Variants in IQGAP1 observed in about 807,000 individuals in gnomAD.
The protein encoded by IQGAP1 is ras GTPase-activating-like protein IQGAP1.
In IQGAP1, 66 loss-of-function variants were observed where a neutral mutation model predicts 215.6. That is an observed-to-expected ratio of 0.31 (90% CI 0.25 to 0.38). IQGAP1 has a LOEUF of 0.38. IQGAP1 is among the 10% of genes least tolerant of loss of function. The probability of loss-of-function intolerance (pLI) is 1.00; values close to 1 mark genes in which losing one functional copy is unlikely to be tolerated. For synonymous variants in IQGAP1, 772 were observed against 728.7 expected, an observed-to-expected ratio of 1.06 and a Z score of -0.96; for missense variants, 1,712 against 1,997.1, an observed-to-expected ratio of 0.86 and a Z score of 2.72.
chr15:90,467,665 A>C, intron 18 of IQGAP1, 73 bp downstream of exon 18: 1 of 1,448,176 alleles, frequency 6.9e-7, no homozygotes, highest in Non-Finnish European at 9.3e-7. Flanking sequence ...ATTAAGAGGA[A>C]CAGGGCATGT....
At chr15:90,390,641 A>G in intron 1 of IQGAP1, 133 bp from the exon 2 acceptor site, 1 of 597,734 alleles carries the variant, frequency 1.7e-6, no homozygotes, top group African/African-American at 1.9e-5. Flanking sequence ...ATTGTAGTAC[A>G]CCTGGCTGGC....
chr15:90,431,158 G>T (rs8035980), intron 4 of IQGAP1: 1 of 151,072 alleles, frequency 6.6e-6, no homozygotes, highest in Non-Finnish European at 1.5e-5. Flanking sequence ...ACATACCTGT[G>T]GAATTGTGTT....
chr15:90,487,207 A>T, intron 32 of IQGAP1, 118 bp downstream of exon 32: 1 of 968,244 alleles, frequency 1.0e-6, no homozygotes, highest in Non-Finnish European at 1.6e-6. Flanking sequence ...TACTTGTCAT[A>T]ATCCCAGTCA....
chr15:90,426,131 G>A lies in IQGAP1; in HGVS notation c.177G>A (p.Gly59=), dbSNP rs761148777. ...EAKRWMEACL[G]EDLPPTTELE... is the part of the protein sequence containing the mutation. ...GCAGGTGGATGGAAGCATGCCTAGGGGAAGATCTGCCTCCCACCACAGAAC... is the reference window on the plus strand; with the variant it reads ...GCAGGTGGATGGAAGCATGCCTAGGAGAAGATCTGCCTCCCACCACAGAAC... The change falls in exon 3 of 38, where the codon GGG becomes GGA. Residue 59 remains glycine, a synonymous_variant. Coordinates refer to ENST00000268182, the MANE Select transcript of IQGAP1 (RefSeq NM_003870.4). 9 of 1,606,060 alleles carry A rather than the reference G, an allele frequency of 5.6e-6. No individual in the cohort carries two copies. Among genetic ancestry groups the A allele is most frequent in the Admixed American group, 5.1e-5 (3 of 58,390 alleles).
chr15:90,482,281 G>C lies in IQGAP1; in HGVS notation c.3555G>C (p.Lys1185Asn). The C allele has an allele frequency of 6.2e-7, 1 of 1,614,108 alleles. No individual in the cohort carries two copies. The stretch of plus-strand genomic sequence containing the variant: ...ATGCTGGTGAGGATGAGCTGCTGAA[G>C]GTAAGAATCTCATAGCCGGCAGACT... ...FPDAGEDELL[K>N]IIGNLLYYRY... Residue 1185 changes from lysine (K) to asparagine (N), a missense_variant and splice_region_variant, in exon 28 of 38, where the codon AAG becomes AAC. Lys to Asn is a moderately conservative substitution (Grantham distance 94). This residue lies in a region of IQGAP1 where 691 missense variants were observed against 923.0 expected (regional missense o/e 0.75). Coordinates refer to ENST00000268182, the MANE Select transcript of IQGAP1 (RefSeq NM_003870.4).
rs563225740 is a variant in IQGAP1, at chr15:90,446,874, A to G, written c.914-1699A>G. ...AGAGAAAGTATTTAAGTAATGTTCCACACTTTATTATGTTTGCAATATAAA... is the reference window on the plus strand; with the variant it reads ...AGAGAAAGTATTTAAGTAATGTTCCGCACTTTATTATGTTTGCAATATAAA... On this transcript the variant is annotated intron_variant, in intron 9 of 37. Transcript: ENST00000268182. Among the ~76,000 whole-genome samples, 4 of 152,326 alleles carry G rather than the reference A, an allele frequency of 2.6e-5. No homozygotes were observed. The South Asian group carries it at 6.2e-4, about 24-fold the overall frequency.
rs758975357 is a variant in IQGAP1, at chr15:90,454,458, T to A, written c.1518T>A (p.Ala506=). Residue 506 remains alanine (A), a synonymous_variant, in exon 14 of 38, where the codon GCT becomes GCA. Coordinates refer to ENST00000268182, the MANE Select transcript of IQGAP1 (RefSeq NM_003870.4). ...RYLDELMKLK[A]QAHAENNEFI... ...TCGATGAGTTGATGAAACTGAAGGC[T>A]CAGGCACATGCAGAGAATAATGAAT... 1 of 1,613,534 alleles carries A rather than the reference T, an allele frequency of 6.2e-7. No individual in the cohort carries two copies. Among genetic ancestry groups the A allele is most frequent in the Non-Finnish European group, 8.5e-7 (1 of 1,179,748 alleles).
At chr15:90,499,514 A>G (rs537276872) in intron 37 of IQGAP1, among the ~76,000 whole-genome samples, 37 of 152,312 alleles carry the variant, frequency 2.4e-4, no homozygotes, top group African/African-American at 8.7e-4. Flanking sequence ...AATCTATCAG[A>G]TAGTATTAAG....
chr15:90,491,431 C>G lies in IQGAP1; in HGVS notation c.4347C>G (p.Asn1449Lys). ...KKSKSVKEDS[N>K]LTLQEKKEKI... ...CAAAATCTGTAAAGGAAGACAGCAACCTCACTCTTCAAGAGAAGAAAGAGA... is the reference window on the plus strand; with the variant it reads ...CAAAATCTGTAAAGGAAGACAGCAAGCTCACTCTTCAAGAGAAGAAAGAGA... Residue 1449 changes from asparagine to lysine, a missense_variant, in exon 34 of 38, where the codon AAC becomes AAG. Around this residue, in one of 2 missense-constraint regions of IQGAP1, gnomAD observed 691 missense variants for 923.0 expected, o/e 0.75. Coordinates refer to ENST00000268182, the MANE Select transcript of IQGAP1 (RefSeq NM_003870.4). 1 of 1,614,016 alleles carries G rather than the reference C, an allele frequency of 6.2e-7. No individual in the cohort carries two copies. The highest frequency in any genetic ancestry group is 8.5e-7 in the Non-Finnish European group (1 of 1,179,922).
At chr15:90,408,011 A>G (rs1964904325) in intron 2 of IQGAP1, among the ~76,000 whole-genome samples, 1 of 152,246 alleles carries the variant, frequency 6.6e-6, no homozygotes, top group Non-Finnish European at 1.5e-5. Context: ...GAGTTTAGAC[A>G]GGGAAAGATT....
At chr15:90,434,774 G>A (rs1348951325) in intron 5 of IQGAP1, among the ~76,000 whole-genome samples, 2 of 151,960 alleles carry the variant, frequency 1.3e-5, no homozygotes, top group African/African-American at 4.9e-5. Context: ...TCCAATTATA[G>A]CATTGAGGGT....
chr15:90,477,242 T>C lies in IQGAP1; in HGVS notation c.3104+12T>C, dbSNP rs757072991. On this transcript the variant is annotated intron_variant, in intron 25 of 37. Transcript: ENST00000268182. ...CAAGAGGAAATCAAGTATGAACAGA[T>C]TTCCTCAGGGCACAGGCCCCTTCCC... The C allele has an allele frequency of 6.2e-7, 1 of 1,613,178 alleles. No individual in the cohort carries two copies. The highest frequency in any genetic ancestry group is 8.5e-7 in the Non-Finnish European group (1 of 1,179,492).
At position 90,477,785 on chromosome 15, in the gene IQGAP1, C is replaced by T. The variant is rs138378081; in HGVS notation, c.3225C>T (p.Val1075=). The T allele has an allele frequency of 2.8e-3, 4,552 of 1,613,644 alleles. 11 individuals carry two copies. Among genetic ancestry groups the T allele is most frequent in the Non-Finnish European group, 3.5e-3 (4,177 of 1,179,764 alleles). ...QNALRQILAP[V]VKEIMDDKSL... Reference sequence around the variant, plus strand: ...CCCTGAGACAGATCTTGGCCCCAGTCGTGAAGGAAATTATGGATGACAAAT... The same window carrying T: ...CCCTGAGACAGATCTTGGCCCCAGTTGTGAAGGAAATTATGGATGACAAAT... The change falls in exon 26 of 38, where the codon GTC becomes GTT. Residue 1075 remains valine, a synonymous_variant. Coordinates refer to ENST00000268182, the MANE Select transcript of IQGAP1 (RefSeq NM_003870.4).
rs907683747 is a variant in IQGAP1, at chr15:90,443,404, CAGAGAG to C, written c.843_848del (p.Glu283_Arg284del). 34 of 1,612,072 alleles carry C rather than the reference CAGAGAG, an allele frequency of 2.1e-5. No individual in the cohort carries two copies. Among genetic ancestry groups the C allele is most frequent in the Non-Finnish European group, 2.9e-5 (34 of 1,178,492 alleles). ...TTTACTCATCCTCAGACAGAAAACT[CAGAGAG>C]AGAAAGAGATGTTTATGAGGAGCTG... On this transcript the variant is annotated inframe_deletion, in exon 9 of 38. Transcript: ENST00000268182.
In IQGAP1 at chr15:90,441,681, C is replaced by A; in HGVS notation, c.825C>A (p.Asn275Lys). 6.3e-7 allele frequency: 1 copy of A among 1,598,266 alleles called. No individual in the cohort carries two copies. The highest frequency in any genetic ancestry group is 1.1e-5 in the South Asian group (1 of 89,272). Residue 275 changes from asparagine to lysine, a missense_variant, in exon 8 of 38, where the codon AAC becomes AAA. Physicochemically the swap from Asn to Lys is moderately conservative, Grantham distance 94. Transcript: ENST00000268182. ...AGGACAAAATGACAAATGCTAAAAA[C>A]AGGGTAAAAATGCAACATCTATTCT... Reference protein sequence around the residue: ...AKQDKMTNAKNRTENSERERD... With the variant: ...AKQDKMTNAKKRTENSERERD...
chr15:90,478,992 C>T (rs555578222), intron 26 of IQGAP1, among the ~76,000 whole-genome samples: 19 of 152,150 alleles, frequency 1.2e-4, no homozygotes, highest in Non-Finnish European at 2.2e-4. Context: ...TTCAGAATGC[C>T]AAAACGTTTC....
chr15:90,397,605 C>CT (rs1964741141), intron 2 of IQGAP1, among the ~76,000 whole-genome samples: 1 of 150,312 alleles, frequency 6.7e-6, no homozygotes, highest in Non-Finnish European at 1.5e-5. Flanking sequence ...CAACCTCCGC[C>CT]TCCCAGGTTC....
rs758804480 is a variant in IQGAP1 at position 90,388,298 on chromosome 15, C to T, written c.-44C>T. On this transcript the variant is annotated 5_prime_UTR_variant, in exon 1 of 38. Coordinates refer to ENST00000268182, the MANE Select transcript of IQGAP1 (RefSeq NM_003870.4). ...CTGTAGCTACCGCCGTCCGCGCCTC[C>T]AAGGTTTCACGGCTTCCTCAGCAGA... 6 of 1,596,830 alleles carry T rather than the reference C, an allele frequency of 3.8e-6. No homozygotes were observed. The highest frequency in any genetic ancestry group is 1.7e-5 in the Admixed American group (1 of 59,420).
chr15:90,430,794 TAGGGTATCAGA>T (rs1328686291), intron 4 of IQGAP1, among the ~76,000 whole-genome samples: 3 of 151,764 alleles, frequency 2.0e-5, no homozygotes, highest in Admixed American at 6.6e-5. Context: ...AAGTGAGGTG[TAGGGTATCAGA>T]AGGTGGCTAA....
Sources: allele counts gnomAD v4.1 joint callset (sites outside exome capture counted in the v4.1 genomes callset), GRCh38; gene constraint gnomAD v4.1.1; regional missense constraint gnomAD v4.1.1; transcripts MANE v1.5; gene names NCBI Gene and HGNC (gene_info 2026-07-23, HGNC 2026-07-21).